The following NCKAP5 variants were observed in gnomAD, a reference collection of about 807,000 sequenced individuals.
NCKAP5 encodes the protein NCK associated protein 5, also known as nck-associated protein 5.
Under a neutral mutation model 167.0 loss-of-function variants are expected in NCKAP5, and 92 were observed. That is an observed-to-expected ratio of 0.55 (90% CI 0.47 to 0.66). The LOEUF (loss-of-function observed/expected upper bound fraction) is 0.66. Among genes scored for constraint, NCKAP5 ranks in the 30% least tolerant of loss-of-function variants. The pLI, the probability that NCKAP5 is intolerant of heterozygous loss-of-function variation, is 0.00. For synonymous variants in NCKAP5, 891 were observed against 877.4 expected (o/e 1.02, Z -0.27); for missense variants, 2,378 against 2,315.0 (o/e 1.03, Z -0.56).
At chr2:133,158,390 T>C (rs1345866476) in intron 5 of NCKAP5, among the ~76,000 whole-genome samples, 2 of 152,232 alleles carry the variant, frequency 1.3e-5, no homozygotes, top group African/African-American at 4.8e-5. Flanking sequence ...AGAATATGAA[T>C]AGCAATACAC....
chr2:133,369,064 G>A (rs1212327128), intron 3 of NCKAP5, among the ~76,000 whole-genome samples: 1 of 151,880 alleles, frequency 6.6e-6, no homozygotes, highest in Non-Finnish European at 1.5e-5. Context: ...GACTGGACAG[G>A]TGGAGTAGGC....
chr2:132,821,565 T>C lies in NCKAP5; in HGVS notation c.808-24836A>G, dbSNP rs549360640. 3.3e-5 allele frequency among the ~76,000 whole-genome samples: 5 copies of C among 152,184 alleles called. No individual in the cohort carries two copies. The South Asian group carries it at 8.3e-4, about 25-fold the overall frequency. On this transcript the variant is annotated intron_variant, in intron 11 of 19. Coordinates refer to ENST00000409261, the MANE Select transcript of NCKAP5 (RefSeq NM_207363.3). ...GAGTCCAGGGGACCAGCAGGAGCTG[T>C]TGTGGATAGGAGTGAGCTAGCGAAG...
chr2:133,491,207 G>T (rs1292905760), intron 3 of NCKAP5, among the ~76,000 whole-genome samples: 1 of 152,204 alleles, frequency 6.6e-6, no homozygotes, highest in Non-Finnish European at 1.5e-5. Flanking sequence ...GGGCAATACA[G>T]CTGCTCTTGA....
chr2:133,251,617 A>G (rs938933489), intron 4 of NCKAP5, among the ~76,000 whole-genome samples: 1 of 152,218 alleles, frequency 6.6e-6, no homozygotes, highest in Non-Finnish European at 1.5e-5. Flanking sequence ...ACTGTAACCT[A>G]AAGCAGAGAT....
rs142740023 is a variant in NCKAP5 at position 132,796,852 on chromosome 2, T to C, written c.808-123A>G. The C allele has an allele frequency of 1.7e-3, 1,134 of 654,784 alleles. 8 individuals carry two copies. The African/African-American group carries it at 0.018, about 10-fold the overall frequency. 40.6% of individuals were successfully genotyped at this position (654,784 alleles called of 1,614,324 possible). On this transcript the variant is annotated intron_variant, in intron 11 of 19. Coordinates refer to ENST00000409261, the MANE Select transcript of NCKAP5 (RefSeq NM_207363.3). Reference sequence around the variant, plus strand: ...CCAGATTAGATAATACATGTCCTAATTAAAAAAAGTTTATTCTAGTTTATC... The same window carrying C: ...CCAGATTAGATAATACATGTCCTAACTAAAAAAAGTTTATTCTAGTTTATC...
chr2:132,839,159 C>T (rs889028601), intron 11 of NCKAP5, among the ~76,000 whole-genome samples: 5 of 152,036 alleles, frequency 3.3e-5, no homozygotes, highest in Admixed American at 2.6e-4. Flanking sequence ...TTGTCTACTG[C>T]TTATGTTAGG....
intron 8 of NCKAP5, among the ~76,000 whole-genome samples, chr2:132,904,791 T>C (rs1260294301): frequency 6.6e-6 from 1 of 152,240 alleles, no homozygotes; most frequent in African/African-American, 2.4e-5. Flanking sequence ...TTTTCTAATC[T>C]GTGGATTGTC....
chr2:133,592,084 A>G, the NCKAP5 span, among the ~76,000 whole-genome samples: 1 of 151,480 alleles, frequency 6.6e-6, no homozygotes, highest in South Asian at 2.1e-4. Flanking sequence ...ACACACACAC[A>G]GGGGTATGAA....
intron 1 of NCKAP5, among the ~76,000 whole-genome samples, chr2:133,561,928 T>C (rs1416671646): frequency 6.6e-6 from 1 of 152,130 alleles, no homozygotes; most frequent in Non-Finnish European, 1.5e-5. Flanking sequence ...CATAAAGATG[T>C]GATCATAGTG....
chr2:133,614,719 C>T, the NCKAP5 span, among the ~76,000 whole-genome samples: 1 of 152,172 alleles, frequency 6.6e-6, no homozygotes, highest in African/African-American at 2.4e-5. Context: ...AGTTGGAAAA[C>T]ACTCTGCAGG....
intron 3 of NCKAP5, among the ~76,000 whole-genome samples, chr2:133,398,040 G>A (rs1687862649): frequency 6.6e-6 from 1 of 152,068 alleles, no homozygotes; most frequent in Admixed American, 6.6e-5. Context: ...GGGGTGGGTA[G>A]TGAATCTGCC....
intron 8 of NCKAP5, among the ~76,000 whole-genome samples, chr2:132,909,215 G>A (rs989127201): frequency 5.3e-5 from 8 of 152,060 alleles, no homozygotes; most frequent in Non-Finnish European, 8.8e-5. Flanking sequence ...GTGTGGTGGC[G>A]CACGCCTGTG....
chr2:133,003,984 TCC>T (rs1470256165), intron 6 of NCKAP5, among the ~76,000 whole-genome samples: 18 of 152,272 alleles, frequency 1.2e-4, no homozygotes, highest in African/African-American at 3.8e-4. Context: ...CTCAGAGAAG[TCC>T]CGTTTTGCAC....
At chr2:132,766,703 C>T (rs1364623392) in intron 16 of NCKAP5, among the ~76,000 whole-genome samples, 2 of 152,156 alleles carry the variant, frequency 1.3e-5, no homozygotes, top group Admixed American at 6.5e-5. Context: ...GATTCAAGAG[C>T]CTTTGAGATC....
Position 132,925,288 on chromosome 2 carries a change from C to T in NCKAP5, c.579+38432G>A, listed in dbSNP as rs1008875571. Reference sequence around the variant, plus strand: ...ATCTAATGCTGGCCAGGCACGGTGGCTCACGCCTGTAATCCCAGCATTTTG... The same window carrying T: ...ATCTAATGCTGGCCAGGCACGGTGGTTCACGCCTGTAATCCCAGCATTTTG... On this transcript the variant is annotated intron_variant, in intron 8 of 19. Coordinates refer to ENST00000409261, the MANE Select transcript of NCKAP5 (RefSeq NM_207363.3). Among the ~76,000 whole-genome samples, 62 of 151,982 alleles carry T rather than the reference C, an allele frequency of 4.1e-4. 1 individual carries two copies. The highest frequency in any genetic ancestry group is 2.4e-4 in the Non-Finnish European group (16 of 68,006).
At chr2:133,307,601 A>G (rs1214360620) in intron 3 of NCKAP5, among the ~76,000 whole-genome samples, 1 of 152,236 alleles carries the variant, frequency 6.6e-6, no homozygotes, top group African/African-American at 2.4e-5. Flanking sequence ...CCAAATGCCC[A>G]TTGAAATTAG....
chr2:132,893,895 T>C (rs778557904), intron 8 of NCKAP5, among the ~76,000 whole-genome samples: 2 of 152,024 alleles, frequency 1.3e-5, no homozygotes. Context: ...CACACACACA[T>C]ACACACAAAT....
At chr2:133,377,010 G>T (rs897439806) in intron 3 of NCKAP5, among the ~76,000 whole-genome samples, 1 of 152,290 alleles carries the variant, frequency 6.6e-6, no homozygotes, top group Middle Eastern at 3.4e-3. Context: ...TGAGGTATCA[G>T]AAGTAATGTT....
chr2:133,233,704 T>C, intron 4 of NCKAP5, among the ~76,000 whole-genome samples: 1 of 152,222 alleles, frequency 6.6e-6, no homozygotes, highest in Non-Finnish European at 1.5e-5. Flanking sequence ...AGCTGGTAAG[T>C]ACCACATTAA....
Sources: gnomAD v4.1 joint callset for allele counts (sites outside exome capture counted in the v4.1 genomes callset) on GRCh38, gnomAD v4.1.1 for gene constraint, MANE v1.5 for transcripts, NCBI Gene and HGNC (gene_info 2026-07-23, HGNC 2026-07-21) for gene names.